The following SNX13 variants were observed in gnomAD, a reference collection of about 807,000 sequenced individuals.
SNX13 encodes the protein sorting nexin 13.
Under a neutral mutation model 133.6 loss-of-function variants are expected in SNX13, and 45 were observed. That is an observed-to-expected ratio of 0.34 (90% CI 0.27 to 0.43). The LOEUF is 0.43. Among genes scored for constraint, SNX13 ranks in the 20% least tolerant of loss-of-function variants. SNX13 has a pLI of 1.00. For synonymous variants in SNX13, 414 were observed against 373.9 expected (o/e 1.11, Z -1.24); for missense variants, 1,032 against 1,145.1 (o/e 0.90, Z 1.43).
chr7:17,859,891 T>A (rs937923317), intron 9 of SNX13, among the ~76,000 whole-genome samples: 3 of 152,206 alleles, frequency 2.0e-5, no homozygotes, highest in African/African-American at 4.8e-5. Context: ...ATTCTCTTTA[T>A]GCATTCATCT....
chr7:17,808,066 ACTC>A (rs1335884342), intron 20 of SNX13, among the ~76,000 whole-genome samples: 1 of 152,112 alleles, frequency 6.6e-6, no homozygotes, highest in Non-Finnish European at 1.5e-5. Context: ...AAGGATCACA[ACTC>A]CTTGCTAGCA....
chr7:17,812,055 A>T (rs1205200720), intron 20 of SNX13, among the ~76,000 whole-genome samples: 1 of 152,142 alleles, frequency 6.6e-6, no homozygotes, highest in Non-Finnish European at 1.5e-5. Context: ...CTAGAAGAAA[A>T]CCTAGGCAAT....
intron 14 of SNX13, 23 bp from the exon 15 acceptor site, chr7:17,834,207 T>C (rs778663076): frequency 7.8e-6 from 12 of 1,539,646 alleles, no homozygotes; most frequent in Middle Eastern, 1.8e-4. Context: ...AATCAAGATA[T>C]TCAACAATTA....
At chr7:17,893,582 C>A in intron 2 of SNX13, 148 bp from the exon 3 acceptor site, 1 of 598,424 alleles carries the variant, frequency 1.7e-6, no homozygotes, top group Non-Finnish European at 2.9e-6. Flanking sequence ...AAGAAATTGA[C>A]AGATTGTATT....
At chr7:17,831,219 C>T (rs1417937390) in intron 15 of SNX13, 9 of 983,492 alleles carry the variant, frequency 9.2e-6, no homozygotes, top group Admixed American at 6.2e-5. Flanking sequence ...CAATCTTGGT[C>T]GACATTTAAT....
intron 24 of SNX13, among the ~76,000 whole-genome samples, chr7:17,798,181 T>A (rs771314574): frequency 6.6e-6 from 1 of 151,892 alleles, no homozygotes; most frequent in African/African-American, 2.4e-5. Flanking sequence ...GGCTGAGTGC[T>A]AGGCACAGAG....
rs1201262075 is a variant in SNX13 at position 17,895,383 on chromosome 7, GTT to G, written c.125+1949_125+1950del. Among the ~76,000 whole-genome samples the G allele has an allele frequency of 8.5e-5, 13 of 152,120 alleles. No homozygotes were observed. The East Asian group carries it at 2.5e-3, about 29-fold the overall frequency. On this transcript the variant is annotated intron_variant, in intron 2 of 25. Transcript: ENST00000428135. Reference sequence around the variant, plus strand: ...CAACAAAAACGAAAAATCCCCAAGTGTTTTTCTTTCCAAAAGCATTCTTTATA... The same window carrying G: ...CAACAAAAACGAAAAATCCCCAAGTGTTTCTTTCCAAAAGCATTCTTTATA...
chr7:17,816,972 TA>T (rs1786734153), intron 18 of SNX13, among the ~76,000 whole-genome samples: 1 of 152,068 alleles, frequency 6.6e-6, no homozygotes, highest in South Asian at 2.1e-4. Context: ...TACTAGCAAA[TA>T]AAAAGGCAAT....
intron 17 of SNX13, among the ~76,000 whole-genome samples, chr7:17,822,082 T>C (rs547240596): frequency 6.6e-6 from 1 of 152,308 alleles, no homozygotes; most frequent in African/African-American, 2.4e-5. Flanking sequence ...TCTTCAGTTG[T>C]ATTACAATTA....
chr7:17,835,434 G>A (rs1308848934), intron 13 of SNX13, among the ~76,000 whole-genome samples: 1 of 151,408 alleles, frequency 6.6e-6, no homozygotes, highest in African/African-American at 2.4e-5. Context: ...GTGTGATATG[G>A]GGAAAAAAAA....
At chr7:17,866,347 T>G (rs904603872) in intron 9 of SNX13, among the ~76,000 whole-genome samples, 6 of 149,686 alleles carry the variant, frequency 4.0e-5, no homozygotes, top group African/African-American at 1.2e-4. Context: ...TGAATAGACA[T>G]TTCTCAAAAG....
At chr7:17,850,775 G>A (rs1791107733) in intron 10 of SNX13, 51 bp downstream of exon 10, 4 of 1,351,116 alleles carry the variant, frequency 3.0e-6, no homozygotes, top group Non-Finnish European at 3.9e-6. Context: ...AAGTTTTGAA[G>A]ATAAAATAAT....
At chr7:17,829,352 C>A (rs1788232603) in intron 16 of SNX13, among the ~76,000 whole-genome samples, 1 of 151,400 alleles carries the variant, frequency 6.6e-6, no homozygotes, top group Non-Finnish European at 1.5e-5. Flanking sequence ...ATGAGTTATT[C>A]AGTGGCAAGG....
At chr7:17,845,752 G>T in intron 11 of SNX13, 58 bp from the exon 12 acceptor site, 2 of 1,209,776 alleles carry the variant, frequency 1.7e-6, no homozygotes, top group Non-Finnish European at 2.3e-6. Context: ...TGTTAAAGAT[G>T]TGTACATAAA....
At chr7:17,940,236 G>T in intron 1 of SNX13, 48 bp downstream of exon 1, 1 of 1,552,292 alleles carries the variant, frequency 6.4e-7, no homozygotes, top group Non-Finnish European at 8.7e-7. Context: ...GCTGGCGCCG[G>T]CCCCTTCCCC....
At chr7:17,904,745 A>G (rs1322065533) in intron 1 of SNX13, among the ~76,000 whole-genome samples, 1 of 152,194 alleles carries the variant, frequency 6.6e-6, no homozygotes, top group Non-Finnish European at 1.5e-5. Context: ...AATTATATAT[A>G]TAGTTCAACA....
intron 17 of SNX13, among the ~76,000 whole-genome samples, chr7:17,822,589 C>A (rs1787417819): frequency 6.6e-6 from 1 of 152,172 alleles, no homozygotes; most frequent in Non-Finnish European, 1.5e-5. Flanking sequence ...AGACTGCCAT[C>A]TCCAAGTTCA....
chr7:17,794,207 A>G lies in SNX13; in HGVS notation c.2712T>C (p.Asn904=), dbSNP rs1307386167. The change falls in exon 26 of 26, where the codon AAT becomes AAC. Residue 904 remains asparagine (N), a synonymous_variant. Transcript: ENST00000428135. ...CCAAGAAGACATAAACCATTCTCCT[A>G]TTTAATTGGTTGTGCTGAAACATTT... ...VFEMFQHNQL[N]RRMVYVFLEG... is the part of the protein sequence containing the mutation. 1 of 1,611,760 alleles carries G rather than the reference A, an allele frequency of 6.2e-7. No individual in the cohort carries two copies. The highest frequency in any genetic ancestry group is 2.2e-5 in the East Asian group (1 of 44,808).
At chr7:17,882,784 C>A in intron 5 of SNX13, 1 of 1,222,564 alleles carries the variant, frequency 8.2e-7, no homozygotes, top group Non-Finnish European at 1.1e-6. Flanking sequence ...AAATCACTAC[C>A]ACAATTCCCT....
Sources: gnomAD v4.1 joint callset for allele counts (sites outside exome capture counted in the v4.1 genomes callset) on GRCh38, gnomAD v4.1.1 for gene constraint, MANE v1.5 for transcripts, NCBI Gene and HGNC (gene_info 2026-07-23, HGNC 2026-07-21) for gene names.